The following GRM8 variants were observed in gnomAD, a reference collection of about 807,000 sequenced individuals.
GRM8 encodes metabotropic glutamate receptor 8.
A neutral mutation model predicts 87.2 loss-of-function variants in GRM8; 47 were observed. The ratio of observed to expected loss-of-function variants is 0.54; its 90% CI spans 0.43 to 0.69. The LOEUF is 0.69. Among genes scored for constraint, GRM8 ranks in the 30% least tolerant of loss-of-function variants. The probability of loss-of-function intolerance (pLI) is 0.00; values close to 1 mark genes in which losing one functional copy is unlikely to be tolerated. For missense variants in GRM8, 1,019 were observed against 1,139.2 expected (o/e 0.89, Z 1.52); for synonymous variants, 396 against 404.5 (o/e 0.98, Z 0.25).
At chr7:127,208,242 T>C (rs1796023114) in intron 2 of GRM8, among the ~76,000 whole-genome samples, 1 of 152,204 alleles carries the variant, frequency 6.6e-6, no homozygotes, top group Non-Finnish European at 1.5e-5. Flanking sequence ...GAACATGGGA[T>C]GCAGGTAATA....
At chr7:126,989,423 A>G (rs1300378766) in intron 3 of GRM8, among the ~76,000 whole-genome samples, 1 of 152,248 alleles carries the variant, frequency 6.6e-6, no homozygotes, top group African/African-American at 2.4e-5. Context: ...TGATTATTCA[A>G]GCTTATCTCC....
At chr7:126,636,660 T>C (rs926940082) in intron 7 of GRM8, among the ~76,000 whole-genome samples, 3 of 151,958 alleles carry the variant, frequency 2.0e-5, no homozygotes, top group Non-Finnish European at 4.4e-5. Context: ...AGACCATACT[T>C]CTAGTTTTTT....
At chr7:127,202,954 T>A (rs779070865) in intron 2 of GRM8, among the ~76,000 whole-genome samples, 1 of 152,186 alleles carries the variant, frequency 6.6e-6, no homozygotes. Flanking sequence ...AAAGCCAGAA[T>A]GTTGGGGCCT....
chr7:127,224,067 C>T (rs1022840145), intron 2 of GRM8, among the ~76,000 whole-genome samples: 4 of 151,862 alleles, frequency 2.6e-5, no homozygotes, highest in Non-Finnish European at 4.4e-5. Flanking sequence ...GCCTCAGAGA[C>T]GTGTTGAACT....
chr7:126,550,903 C>T (rs1226491281), intron 8 of GRM8, among the ~76,000 whole-genome samples: 1 of 151,312 alleles, frequency 6.6e-6, no homozygotes, highest in Non-Finnish European at 1.5e-5. Context: ...ATTACAGATA[C>T]CTGGCAAGTC....
chr7:127,226,831 TC>T (rs1311302206), intron 2 of GRM8, among the ~76,000 whole-genome samples: 1 of 152,222 alleles, frequency 6.6e-6, no homozygotes, highest in African/African-American at 2.4e-5. Flanking sequence ...TCACATCATT[TC>T]ATGACTGTGG....
intron 3 of GRM8, among the ~76,000 whole-genome samples, chr7:126,992,478 GAAATA>G (rs1812755074): frequency 2.0e-5 from 3 of 151,938 alleles, no homozygotes. Flanking sequence ...TAGGCAATTG[GAAATA>G]AAACAAAATA....
At chr7:126,898,967 C>G (rs1168707779) in intron 6 of GRM8, among the ~76,000 whole-genome samples, 1 of 151,744 alleles carries the variant, frequency 6.6e-6, no homozygotes, top group Non-Finnish European at 1.5e-5. Context: ...GTGTGATGTT[C>G]CCCTCTCTGT....
At chr7:126,863,974 A>G (rs1364758400) in intron 6 of GRM8, among the ~76,000 whole-genome samples, 1 of 148,382 alleles carries the variant, frequency 6.7e-6, no homozygotes, top group African/African-American at 2.5e-5. Context: ...TTTAATTATT[A>G]TATATATAAA....
chr7:126,661,866 C>T (rs1305977725), intron 7 of GRM8, among the ~76,000 whole-genome samples: 1 of 150,224 alleles, frequency 6.7e-6, no homozygotes, highest in Non-Finnish European at 1.5e-5. Flanking sequence ...CAATATGCCA[C>T]TTTAATATGA....
chr7:126,598,226 T>C (rs995947266), intron 8 of GRM8, among the ~76,000 whole-genome samples: 1 of 5,508 alleles, frequency 1.8e-4, no homozygotes, highest in African/African-American at 2.7e-3. Context: ...TTTTTTCCTA[T>C]TTTTTTTATA....
In GRM8 at chr7:126,575,223, G is replaced by C. The variant is rs73449235; in HGVS notation, c.1494+34139C>G. On this transcript the variant is annotated intron_variant, in intron 8 of 10. Coordinates refer to ENST00000339582, the MANE Select transcript of GRM8 (RefSeq NM_000845.3). ...AGGCATCAGATTCTCATAGGAGTGTGAGCCCTATTGTGAACTGAGCATGCA... is the reference window on the plus strand; with the variant it reads ...AGGCATCAGATTCTCATAGGAGTGTCAGCCCTATTGTGAACTGAGCATGCA... 3.3e-3 allele frequency among the ~76,000 whole-genome samples: 497 copies of C among 150,902 alleles called. 2 individuals carry two copies. Among genetic ancestry groups the C allele is most frequent in the African/African-American group, 0.011 (455 of 41,004 alleles).
At chr7:126,463,670 T>C (rs1339565895) in intron 9 of GRM8, among the ~76,000 whole-genome samples, 3 of 151,650 alleles carry the variant, frequency 2.0e-5, no homozygotes, top group African/African-American at 7.2e-5. Context: ...AGGGAGTTTA[T>C]AGGAAAGGAA....
chr7:126,980,501 A>G (rs1154325), intron 3 of GRM8, among the ~76,000 whole-genome samples: 68,291 of 151,994 alleles, frequency 0.45, 15,886 homozygotes, highest in East Asian at 0.67. Context: ...GAGTTTCTTC[A>G]CCTTTGTTTC....
chr7:127,100,690 C>T (rs989795129), intron 3 of GRM8, among the ~76,000 whole-genome samples: 17 of 152,272 alleles, frequency 1.1e-4, no homozygotes, highest in African/African-American at 4.1e-4. Flanking sequence ...AACCATCAGA[C>T]CTCATGAGTC....
At chr7:127,214,528 A>C (rs1350204153) in intron 2 of GRM8, among the ~76,000 whole-genome samples, 1 of 152,224 alleles carries the variant, frequency 6.6e-6, no homozygotes, top group Non-Finnish European at 1.5e-5. Flanking sequence ...TCACAGTTCC[A>C]AGTGGCTGGG....
intron 3 of GRM8, among the ~76,000 whole-genome samples, chr7:126,910,014 T>A (rs201218202): frequency 0.015 from 2,190 of 147,108 alleles, 50 homozygotes; most frequent in African/African-American, 0.047. Flanking sequence ...TTTTTTTTTT[T>A]AAAACCCTGC....
intron 2 of GRM8, among the ~76,000 whole-genome samples, chr7:127,113,025 T>C (rs1324313506): frequency 6.6e-6 from 1 of 152,186 alleles, no homozygotes; most frequent in Admixed American, 6.5e-5. Context: ...TGTCTCTCCA[T>C]GTTGCCTTCA....
chr7:126,589,977 A>G (rs62477871), intron 8 of GRM8, among the ~76,000 whole-genome samples: 46,885 of 151,866 alleles, frequency 0.31, 8,117 homozygotes, highest in East Asian at 0.44. Context: ...GTTGTTTAGC[A>G]CCCTCAAAAT....
Sources: allele counts gnomAD v4.1 joint callset (sites outside exome capture counted in the v4.1 genomes callset), GRCh38; gene constraint gnomAD v4.1.1; transcripts MANE v1.5; gene names NCBI Gene and HGNC (gene_info 2026-07-23, HGNC 2026-07-21).